AGBL1: variants seen among roughly 807,000 people sequenced by gnomAD.
AGBL1 encodes cytosolic carboxypeptidase 4.
Under a neutral mutation model 118.9 loss-of-function variants are expected in AGBL1, and 130 were observed. The ratio of observed to expected loss-of-function variants is 1.09; its 90% CI spans 0.95 to 1.26. The LOEUF (loss-of-function observed/expected upper bound fraction) is 1.26. Ranked by LOEUF, AGBL1 falls within the 50% of genes most tolerant of loss-of-function variation. AGBL1 has a pLI of 0.00. For missense variants in AGBL1, 1,584 were observed against 1,298.1 expected, an observed-to-expected ratio of 1.22 and a Z score of -3.38; for synonymous variants, 555 against 478.9, an observed-to-expected ratio of 1.16 and a Z score of -2.08.
intron 22 of AGBL1, among the ~76,000 whole-genome samples, chr15:86,829,040 C>G (rs1301532660): frequency 2.0e-5 from 3 of 150,418 alleles, no homozygotes; most frequent in Non-Finnish European, 4.4e-5. Context: ...TTGACTGGAC[C>G]TAGTGAGTAG....
chr15:86,787,990 A>G (rs932220458), intron 22 of AGBL1, among the ~76,000 whole-genome samples: 1 of 152,184 alleles, frequency 6.6e-6, no homozygotes, highest in Non-Finnish European at 1.5e-5. Flanking sequence ...ATCTTTTTGA[A>G]GGCCACCTTC....
intron 13 of AGBL1, among the ~76,000 whole-genome samples, chr15:86,269,551 T>C (rs968914711): frequency 6.6e-6 from 1 of 152,210 alleles, no homozygotes; most frequent in Admixed American, 6.5e-5. Flanking sequence ...AAGTGTTAAA[T>C]GCTTAGGTGA....
At chr15:86,156,636 T>C (rs1387081383) in intron 4 of AGBL1, among the ~76,000 whole-genome samples, 2 of 152,176 alleles carry the variant, frequency 1.3e-5, no homozygotes, top group Non-Finnish European at 2.9e-5. Flanking sequence ...TGATAATTGC[T>C]AGTTTCTCTT....
intron 22 of AGBL1, among the ~76,000 whole-genome samples, chr15:86,730,654 T>G (rs2077514513): frequency 6.6e-6 from 1 of 152,168 alleles, no homozygotes; most frequent in African/African-American, 2.4e-5. Flanking sequence ...GGACATGAAA[T>G]TCTTCATTTG....
chr15:86,707,379 C>T (rs556822446), intron 22 of AGBL1, among the ~76,000 whole-genome samples: 8 of 151,400 alleles, frequency 5.3e-5, no homozygotes, highest in East Asian at 2.0e-4. Context: ...TATTACTTTC[C>T]AGTCAAGCAA....
intron 18 of AGBL1, among the ~76,000 whole-genome samples, chr15:86,519,164 G>A (rs548291783): frequency 9.9e-5 from 15 of 152,162 alleles, no homozygotes; most frequent in Admixed American, 5.2e-4. Context: ...ATCAAAATTC[G>A]TGGATGCTCA....
intron 1 of AGBL1, among the ~76,000 whole-genome samples, chr15:86,113,294 T>C (rs906555322): frequency 3.6e-5 from 4 of 109,826 alleles, no homozygotes; most frequent in African/African-American, 1.2e-4. Flanking sequence ...TTTCTTTTTT[T>C]TTTTTTTTTT....
At chr15:86,935,965 G>C (rs771020561) in intron 23 of AGBL1, among the ~76,000 whole-genome samples, 9 of 152,258 alleles carry the variant, frequency 5.9e-5, no homozygotes, top group Non-Finnish European at 1.2e-4. Flanking sequence ...CTCAGTGAAA[G>C]ACTTGAATAA....
At chr15:86,846,128 G>A (rs941483304) in intron 22 of AGBL1, among the ~76,000 whole-genome samples, 6 of 152,080 alleles carry the variant, frequency 3.9e-5, no homozygotes, top group African/African-American at 1.4e-4. Flanking sequence ...CTCTTCATGT[G>A]GATTTTTACC....
At chr15:86,338,472 T>C (rs535357039) in intron 17 of AGBL1, among the ~76,000 whole-genome samples, 1 of 152,080 alleles carries the variant, frequency 6.6e-6, no homozygotes, top group Non-Finnish European at 1.5e-5. Context: ...TGATACGTTA[T>C]GTTTTATTTA....
At chr15:86,108,981 A>T (rs1440934038) in intron 1 of AGBL1, among the ~76,000 whole-genome samples, 1 of 152,116 alleles carries the variant, frequency 6.6e-6, no homozygotes, top group Non-Finnish European at 1.5e-5. Context: ...TCAAACAAAC[A>T]AAATCAAGGA....
chr15:86,752,271 C>A (rs551275990), intron 22 of AGBL1, among the ~76,000 whole-genome samples: 4 of 152,098 alleles, frequency 2.6e-5, no homozygotes, highest in Non-Finnish European at 5.9e-5. Flanking sequence ...ATATTCCAAT[C>A]TTTCTGATTT....
At chr15:86,473,027 A>G (rs1241673920) in intron 18 of AGBL1, among the ~76,000 whole-genome samples, 2 of 152,248 alleles carry the variant, frequency 1.3e-5, no homozygotes, top group Non-Finnish European at 2.9e-5. Flanking sequence ...AAATATTCTT[A>G]TAACTACAAT....
chr15:86,159,853 G>C (rs925352021), intron 5 of AGBL1, among the ~76,000 whole-genome samples: 2 of 151,726 alleles, frequency 1.3e-5, no homozygotes, highest in Non-Finnish European at 2.9e-5. Flanking sequence ...TTTTCTCTTG[G>C]GTCACTACAG....
chr15:86,209,191 T>A (rs1332873865), intron 5 of AGBL1, among the ~76,000 whole-genome samples: 5 of 152,320 alleles, frequency 3.3e-5, no homozygotes, highest in African/African-American at 1.2e-4. Flanking sequence ...CAGTTTGTTG[T>A]GATTTCTGTT....
intron 22 of AGBL1, among the ~76,000 whole-genome samples, chr15:86,901,281 A>G (rs2080208850): frequency 1.3e-5 from 2 of 152,122 alleles, no homozygotes; most frequent in South Asian, 4.1e-4. Flanking sequence ...GAATTCCATC[A>G]TAAGTTTTAG....
chr15:86,325,428 C>A lies in AGBL1; in HGVS notation c.2374+30020C>A, dbSNP rs1344338674. Among the ~76,000 whole-genome samples the A allele has an allele frequency of 2.6e-5, 4 of 152,050 alleles. No individual in the cohort carries two copies. In the East Asian group the frequency reaches 7.7e-4, roughly 29 times the overall value. Reference sequence around the variant, plus strand: ...TTAAGAGCATGAGAAAAGAGAACAGCCTGGAGTTGGGGAATGCAGTTCTAT... The same window carrying A: ...TTAAGAGCATGAGAAAAGAGAACAGACTGGAGTTGGGGAATGCAGTTCTAT... On this transcript the variant is annotated intron_variant, in intron 17 of 22. Transcript: ENST00000614907.
At chr15:86,697,215 T>A (rs1394428256) in intron 22 of AGBL1, among the ~76,000 whole-genome samples, 1 of 151,800 alleles carries the variant, frequency 6.6e-6, no homozygotes, top group African/African-American at 2.4e-5. Context: ...AAATTTCTCT[T>A]CTTCTTCAGG....
At chr15:86,619,776 G>C (rs1300732173) in intron 21 of AGBL1, among the ~76,000 whole-genome samples, 1 of 152,220 alleles carries the variant, frequency 6.6e-6, no homozygotes, top group South Asian at 2.1e-4. Context: ...AGGGCTCACT[G>C]CAGACCTGGG....
Sources: allele counts gnomAD v4.1 joint callset (sites outside exome capture counted in the v4.1 genomes callset), GRCh38; gene constraint gnomAD v4.1.1; transcripts MANE v1.5; gene names NCBI Gene and HGNC (gene_info 2026-07-23, HGNC 2026-07-21).